Variants in AGBL1 observed in about 807,000 individuals in gnomAD.
AGBL1 encodes the protein cytosolic carboxypeptidase 4.
AGBL1 carries 130 observed loss-of-function variants against 118.9 expected under a neutral mutation model. The observed-to-expected ratio is 1.09, with a 90% CI of 0.95 to 1.26. The LOEUF is 1.26. AGBL1 is among the 50% of genes most tolerant of loss of function. AGBL1 has a pLI of 0.00. For synonymous variants in AGBL1, 555 were observed against 478.9 expected (o/e 1.16, Z -2.08); for missense variants, 1,584 against 1,298.1 (o/e 1.22, Z -3.38).
chr15:86,523,163 G>A (rs994411161), intron 19 of AGBL1, among the ~76,000 whole-genome samples: 3 of 152,206 alleles, frequency 2.0e-5, no homozygotes, highest in Admixed American at 2.0e-4. Flanking sequence ...CATTTCTGGA[G>A]GTGTGAGTCT....
chr15:86,749,810 T>C (rs948589016), intron 22 of AGBL1, among the ~76,000 whole-genome samples: 3 of 152,094 alleles, frequency 2.0e-5, no homozygotes, highest in South Asian at 2.1e-4. Flanking sequence ...GCTGGATTAC[T>C]TTTATTGATT....
chr15:86,444,902 CAA>C (rs1003419220), intron 18 of AGBL1, among the ~76,000 whole-genome samples: 1 of 152,106 alleles, frequency 6.6e-6, no homozygotes, highest in Non-Finnish European at 1.5e-5. Flanking sequence ...TGGTTTCCCA[CAA>C]AGTTGTTTTA....
intron 22 of AGBL1, among the ~76,000 whole-genome samples, chr15:86,757,672 T>C (rs972431594): frequency 5.3e-5 from 8 of 152,088 alleles, no homozygotes; most frequent in African/African-American, 1.4e-4. Flanking sequence ...TTTTTGTCAT[T>C]TTCTCCATTC....
intron 23 of AGBL1, among the ~76,000 whole-genome samples, chr15:86,945,181 T>C (rs1045604100): frequency 7.0e-6 from 1 of 142,374 alleles, no homozygotes. Flanking sequence ...GAGTTCGAGG[T>C]TGCAGTGAGT....
chr15:86,197,614 T>G (rs1479532962), intron 5 of AGBL1, among the ~76,000 whole-genome samples: 1 of 152,074 alleles, frequency 6.6e-6, no homozygotes, highest in Non-Finnish European at 1.5e-5. Flanking sequence ...AAGAAAGAAA[T>G]TGACAAAGGA....
At chr15:87,009,826 G>T (rs1464633060) in intron 24 of AGBL1, among the ~76,000 whole-genome samples, 2 of 152,194 alleles carry the variant, frequency 1.3e-5, no homozygotes, top group Non-Finnish European at 2.9e-5. Context: ...CTTGCATGGG[G>T]CCTGTAGCCC....
intron 21 of AGBL1, among the ~76,000 whole-genome samples, chr15:86,602,759 G>T (rs1404156113): frequency 6.6e-6 from 1 of 152,174 alleles, no homozygotes; most frequent in South Asian, 2.1e-4. Flanking sequence ...ATATGAAAAT[G>T]AGAATTCTGA....
At chr15:86,305,370 GAGAAAGGGAAAGCGAAATTTAAAGC>G (rs1448934704) in intron 17 of AGBL1, among the ~76,000 whole-genome samples, 8 of 152,182 alleles carry the variant, frequency 5.3e-5, no homozygotes, top group Admixed American at 2.0e-4. Context: ...TCTGAGGAAG[GAGAAAGGGAAAGCGAAATTTAAAGC>G]AGAAAGGGAA....
intron 23 of AGBL1, among the ~76,000 whole-genome samples, chr15:86,940,593 G>A (rs2080738206): frequency 6.6e-6 from 1 of 152,096 alleles, no homozygotes; most frequent in Admixed American, 6.5e-5. Flanking sequence ...CACACACAAG[G>A]GCCCAACAGA....
intron 21 of AGBL1, among the ~76,000 whole-genome samples, chr15:86,645,784 T>C (rs1275005957): frequency 6.6e-6 from 1 of 152,176 alleles, no homozygotes; most frequent in African/African-American, 2.4e-5. Context: ...TGCATTACAA[T>C]CTTGGTTTTC....
intron 6 of AGBL1, among the ~76,000 whole-genome samples, chr15:86,241,005 G>A (rs1346053739): frequency 6.6e-6 from 1 of 152,128 alleles, no homozygotes; most frequent in Non-Finnish European, 1.5e-5. Flanking sequence ...TGTACATTTT[G>A]CCAGAGAGGG....
At chr15:86,337,905 G>T (rs558263748) in intron 17 of AGBL1, among the ~76,000 whole-genome samples, 1 of 152,176 alleles carries the variant, frequency 6.6e-6, no homozygotes, top group African/African-American at 2.4e-5. Context: ...AAAGATGCAT[G>T]TAGGGTATTA....
chr15:86,958,427 G>A (rs1402808132), intron 23 of AGBL1, among the ~76,000 whole-genome samples: 2 of 151,824 alleles, frequency 1.3e-5, no homozygotes, highest in African/African-American at 2.4e-5. Context: ...TTTAGCATAG[G>A]TATAGACAAG....
chr15:86,774,559 C>A (rs2078225988), intron 22 of AGBL1, among the ~76,000 whole-genome samples: 1 of 151,544 alleles, frequency 6.6e-6, no homozygotes, highest in Non-Finnish European at 1.5e-5. Context: ...AATTTCAGTG[C>A]AATGAGATAA....
chr15:86,808,555 A>T (rs1225395930), intron 22 of AGBL1, among the ~76,000 whole-genome samples: 1 of 149,440 alleles, frequency 6.7e-6, no homozygotes, highest in African/African-American at 2.5e-5. Context: ...TCTCCTCTTT[A>T]TCTTTCCTTC....
At chr15:86,776,794 G>C (rs28708884) in intron 22 of AGBL1, among the ~76,000 whole-genome samples, 6 of 149,850 alleles carry the variant, frequency 4.0e-5, no homozygotes, top group Non-Finnish European at 4.4e-5. Context: ...GTGTGTGAGA[G>C]AGAGAGAGAA....
chr15:86,548,296 G>A (rs2083613375), intron 20 of AGBL1, among the ~76,000 whole-genome samples: 1 of 152,080 alleles, frequency 6.6e-6, no homozygotes, highest in Non-Finnish European at 1.5e-5. Flanking sequence ...CATTAGTATT[G>A]AAGAGACGAT....
At chr15:86,715,953 G>A (rs1440009263) in intron 22 of AGBL1, among the ~76,000 whole-genome samples, 1 of 151,748 alleles carries the variant, frequency 6.6e-6, no homozygotes, top group Admixed American at 6.6e-5. Context: ...CCAGCTACTT[G>A]GGAGGCTGAG....
At chr15:86,246,691 T>A (rs2078726160) in intron 6 of AGBL1, among the ~76,000 whole-genome samples, 1 of 140,846 alleles carries the variant, frequency 7.1e-6, no homozygotes, top group Non-Finnish European at 1.6e-5. Context: ...TTCAAGCAAC[T>A]TAAGTCATGC....
Sources: gnomAD v4.1 joint callset for allele counts (sites outside exome capture counted in the v4.1 genomes callset) on GRCh38, gnomAD v4.1.1 for gene constraint, MANE v1.5 for transcripts, NCBI Gene and HGNC (gene_info 2026-07-23, HGNC 2026-07-21) for gene names.